LRMDA: variants seen among roughly 807,000 people sequenced by gnomAD.
LRMDA encodes leucine-rich melanocyte differentiation-associated protein.
Under a neutral mutation model 29.8 loss-of-function variants are expected in LRMDA, and 18 were observed. The observed-to-expected ratio is 0.60, with a 90% CI of 0.42 to 0.90. The LOEUF (loss-of-function observed/expected upper bound fraction) is 0.90, where lower values mean the gene tolerates loss of function less well. Among genes scored for constraint, LRMDA ranks in the 40% least tolerant of loss-of-function variants. The probability of loss-of-function intolerance (pLI) is 0.00; values close to 1 mark genes in which losing one functional copy is unlikely to be tolerated. For synonymous variants in LRMDA, 125 were observed against 109.4 expected (o/e 1.14, Z -0.89); for missense variants, 273 against 273.9 (o/e 1.00, Z 0.02).
chr10:76,024,187 C>G (rs1293034096), intron 2 of LRMDA, among the ~76,000 whole-genome samples: 1 of 152,208 alleles, frequency 6.6e-6, no homozygotes, highest in East Asian at 1.9e-4. Flanking sequence ...TATGAAAACA[C>G]CACACTGGCT....
At chr10:75,974,592 C>T (rs1014354812) in intron 2 of LRMDA, among the ~76,000 whole-genome samples, 1 of 152,192 alleles carries the variant, frequency 6.6e-6, no homozygotes, top group African/African-American at 2.4e-5. Context: ...CATTCATGAA[C>T]TCATTCAATC....
chr10:75,539,273 T>C (rs1384870807), intron 2 of LRMDA, among the ~76,000 whole-genome samples: 1 of 152,202 alleles, frequency 6.6e-6, no homozygotes, highest in Non-Finnish European at 1.5e-5. Context: ...CACTGAAAGT[T>C]TTTTGTTTTA....
chr10:75,726,060 A>G (rs1372037610), intron 2 of LRMDA, among the ~76,000 whole-genome samples: 3 of 152,216 alleles, frequency 2.0e-5, no homozygotes, highest in Non-Finnish European at 4.4e-5. Flanking sequence ...ATCAGTCAAC[A>G]CTACTGGAAA....
At chr10:75,959,545 G>A (rs1286987408) in intron 2 of LRMDA, among the ~76,000 whole-genome samples, 1 of 151,538 alleles carries the variant, frequency 6.6e-6, no homozygotes, top group Non-Finnish European at 1.5e-5. Context: ...ACATACTTCT[G>A]TATATAATAA....
rs779169360 is a variant in LRMDA at position 76,557,231 on chromosome 10, C to A, written c.624C>A (p.Tyr208Ter). ...SHQGVLGKCR[Y>*]VYYGKNSEGN... ...CAGGTGTCCTGGGGAAGTGTCGCTACGTTTACTATGGGAAAAACTCAGAGG... is the reference window on the plus strand; with the variant it reads ...CAGGTGTCCTGGGGAAGTGTCGCTAAGTTTACTATGGGAAAAACTCAGAGG... The change falls in exon 7 of 7, where the codon TAC becomes TAA. Residue 208 changes from tyrosine (Y) to a stop codon, truncating the protein, a stop_gained. Coordinates refer to ENST00000611255, the MANE Select transcript of LRMDA (RefSeq NM_001305581.2). LOFTEE classifies it high-confidence loss of function. 3.1e-6 allele frequency: 5 copies of A among 1,614,038 alleles called. No individual in the cohort carries two copies. In the Admixed American group the frequency reaches 8.3e-5, roughly 27 times the overall value.
chr10:75,607,824 GTTT>G (rs5786180), intron 2 of LRMDA, among the ~76,000 whole-genome samples: 4,697 of 72,336 alleles, frequency 0.065, 375 homozygotes, highest in African/African-American at 0.24. Context: ...TGATTCAGTG[GTTT>G]TTTTTTTTTT....
At chr10:75,899,112 C>T (rs376080253) in intron 2 of LRMDA, among the ~76,000 whole-genome samples, 4 of 152,138 alleles carry the variant, frequency 2.6e-5, no homozygotes, top group African/African-American at 7.2e-5. Context: ...TTTGACTTCT[C>T]GCTTATAGTA....
intron 1 of LRMDA, 132 bp downstream of exon 1, chr10:75,431,886 T>C: frequency 1.1e-6 from 1 of 923,484 alleles, no homozygotes; most frequent in Non-Finnish European, 1.4e-6. Context: ...GGGGGTGAGC[T>C]TCAGGTGCTC....
chr10:76,279,217 G>A (rs1187164539), intron 5 of LRMDA, among the ~76,000 whole-genome samples: 1 of 152,168 alleles, frequency 6.6e-6, no homozygotes, highest in Non-Finnish European at 1.5e-5. Flanking sequence ...AATTATAGCT[G>A]TATGACCTTG....
At chr10:76,416,873 T>C (rs1022071280) in intron 6 of LRMDA, among the ~76,000 whole-genome samples, 1 of 152,242 alleles carries the variant, frequency 6.6e-6, no homozygotes, top group African/African-American at 2.4e-5. Flanking sequence ...GTATGTTGTA[T>C]AGGTGTGTCT....
chr10:75,974,546 C>T (rs1847036711), intron 2 of LRMDA, among the ~76,000 whole-genome samples: 1 of 152,154 alleles, frequency 6.6e-6, no homozygotes, highest in Non-Finnish European at 1.5e-5. Flanking sequence ...CTTTTATAGC[C>T]TTACACTAAG....
chr10:75,588,631 G>C (rs1382706027), intron 2 of LRMDA, among the ~76,000 whole-genome samples: 1 of 152,056 alleles, frequency 6.6e-6, no homozygotes, highest in Admixed American at 6.5e-5. Flanking sequence ...TTGTTTATCA[G>C]TTTCATTTTT....
intron 2 of LRMDA, among the ~76,000 whole-genome samples, chr10:76,001,006 G>T (rs570901984): frequency 6.6e-6 from 1 of 152,270 alleles, no homozygotes; most frequent in African/African-American, 2.4e-5. Flanking sequence ...CTAGGCCCCG[G>T]GGAGGCACCC....
At chr10:75,752,783 T>A (rs1842983926) in intron 2 of LRMDA, among the ~76,000 whole-genome samples, 2 of 152,226 alleles carry the variant, frequency 1.3e-5, no homozygotes. Flanking sequence ...GTTAAACCAA[T>A]GAGCTTCTTC....
In LRMDA at chr10:76,361,643, A is replaced by C. The variant is rs939260862; in HGVS notation, c.601+37158A>C. On this transcript the variant is annotated intron_variant, in intron 6 of 6. Transcript: ENST00000611255. ...CTTAAGGCAGAAAAATCATTCCCCTATTCTACTCCAATATGTGCCAGTTGA... is the reference window on the plus strand; with the variant it reads ...CTTAAGGCAGAAAAATCATTCCCCTCTTCTACTCCAATATGTGCCAGTTGA... Among the ~76,000 whole-genome samples the C allele has an allele frequency of 2.6e-4, 39 of 152,118 alleles. 1 individual carries two copies. The highest frequency in any genetic ancestry group is 8.9e-4 in the African/African-American group (37 of 41,418).
chr10:75,679,946 C>T (rs1842004647), intron 2 of LRMDA, among the ~76,000 whole-genome samples: 1 of 152,104 alleles, frequency 6.6e-6, no homozygotes, highest in South Asian at 2.1e-4. Context: ...GAAAAAATGG[C>T]TGTCATGGTA....
At chr10:76,242,404 G>A (rs1384805682) in intron 5 of LRMDA, 1 of 152,168 alleles carries the variant, frequency 6.6e-6, no homozygotes, top group Non-Finnish European at 1.5e-5. Context: ...GCCAGAAATG[G>A]GAAATAAAGG....
In LRMDA at chr10:75,440,154, T is replaced by C. The variant is rs192803625; in HGVS notation, c.131+1660T>C. Reference sequence around the variant, plus strand: ...GGTACTGGACCTTGGGAGGTGTGTATGTGTGGCAAGAAGGGGCTGTTGGCT... The same window carrying C: ...GGTACTGGACCTTGGGAGGTGTGTACGTGTGGCAAGAAGGGGCTGTTGGCT... On this transcript the variant is annotated intron_variant, in intron 2 of 6. Coordinates refer to ENST00000611255, the MANE Select transcript of LRMDA (RefSeq NM_001305581.2). Among the ~76,000 whole-genome samples the C allele has an allele frequency of 2.0e-5, 3 of 149,824 alleles. No homozygotes were observed. In the East Asian group the frequency reaches 5.9e-4, roughly 30 times the overall value.
intron 6 of LRMDA, chr10:76,402,422 G>A (rs1020403914): frequency 5.3e-5 from 8 of 152,164 alleles, no homozygotes; most frequent in Admixed American, 5.2e-4. Flanking sequence ...GTGGGATCAT[G>A]GCTCACTGCA....
Sources: allele counts gnomAD v4.1 joint callset (sites outside exome capture counted in the v4.1 genomes callset), GRCh38; gene constraint gnomAD v4.1.1; transcripts MANE v1.5; gene names NCBI Gene and HGNC (gene_info 2026-07-23, HGNC 2026-07-21).